The following DHX34 variants were observed in gnomAD, a reference collection of about 807,000 sequenced individuals.
DHX34 encodes the protein DExH-box helicase 34, also known as probable ATP-dependent RNA helicase DHX34.
In DHX34, 96 loss-of-function variants were observed where a neutral mutation model predicts 111.1. The ratio of observed to expected loss-of-function variants is 0.86; its 90% confidence interval spans 0.73 to 1.02. The LOEUF (loss-of-function observed/expected upper bound fraction) is 1.02, where lower values mean the gene tolerates loss of function less well. DHX34 is among the 50% of genes least tolerant of loss of function. The pLI is 0.00. For missense variants in DHX34, 1,560 were observed against 1,579.9 expected, an observed-to-expected ratio of 0.99 and a Z score of 0.21; for synonymous variants, 688 against 670.4, an observed-to-expected ratio of 1.03 and a Z score of -0.41.
intron 3 of DHX34, 51 bp downstream of exon 3, chr19:47,355,401 G>A (rs1969429078): frequency 3.8e-6 from 6 of 1,583,116 alleles, no homozygotes; most frequent in Non-Finnish European, 5.2e-6. Flanking sequence ...CCTGGTCTCT[G>A]TCCAAACCTG....
rs778434752 is a variant in DHX34 at position 47,357,980 on chromosome 19, C to T, written c.1132C>T (p.Arg378Trp). Residue 378 changes from arginine to tryptophan, a missense_variant, in exon 4 of 17, where the codon CGG becomes TGG. Physicochemically the swap from Arg to Trp is moderately radical, Grantham distance 101. Transcript: ENST00000328771. ...SIDHKYPPEE[R>W]GDLLVFLSGM... Reference sequence around the variant, plus strand: ...TGACCACAAGTACCCGCCTGAGGAGCGGGGTGACCTCCTCGTCTTCCTCAG... The same window carrying T: ...TGACCACAAGTACCCGCCTGAGGAGTGGGGTGACCTCCTCGTCTTCCTCAG... The T allele has an allele frequency of 1.8e-5, 29 of 1,613,844 alleles. No homozygotes were observed. The highest frequency in any genetic ancestry group is 9.9e-5 in the South Asian group (9 of 91,090).
chr19:47,377,688 C>T (rs773912514), intron 13 of DHX34, among the ~76,000 whole-genome samples: 7 of 151,434 alleles, frequency 4.6e-5, no homozygotes, highest in Non-Finnish European at 1.0e-4. Flanking sequence ...ATGTGCCTGG[C>T]GTGCAGTCAG....
rs778930506 is a variant in DHX34, at chr19:47,375,597, G to A, written c.2196G>A (p.Ala732=). Residue 732 remains alanine, a synonymous_variant, in exon 10 of 17, where the codon GCG becomes GCA. Coordinates refer to ENST00000328771, the MANE Select transcript of DHX34 (RefSeq NM_014681.6). ...TGAAACGCCAGCACGAGGAGGGCGCGGGGCGCAGGCGCAAGGTGCTGCGGC... is the reference window on the plus strand; with the variant it reads ...TGAAACGCCAGCACGAGGAGGGCGCAGGGCGCAGGCGCAAGGTGCTGCGGC... ...HQLKRQHEEG[A]GRRRKVLRLQ... The A allele has an allele frequency of 4.5e-5, 69 of 1,546,994 alleles. No individual in the cohort carries two copies. Among genetic ancestry groups the A allele is most frequent in the Non-Finnish European group, 5.2e-5 (60 of 1,149,544 alleles).
intron 11 of DHX34, 61 bp downstream of exon 11, chr19:47,376,158 G>C: frequency 6.6e-7 from 1 of 1,517,078 alleles, no homozygotes; most frequent in Admixed American, 2.2e-5. Context: ...CTGAGTGCCT[G>C]TCCTGTGCCG....
At chr19:47,352,463 C>G (rs1301010036) in intron 1 of DHX34, among the ~76,000 whole-genome samples, 1 of 152,084 alleles carries the variant, frequency 6.6e-6, no homozygotes, top group South Asian at 2.1e-4. Context: ...ATTGCTTGAG[C>G]CCAGAAGTTT....
chr19:47,374,953 C>T (rs1970087226), intron 9 of DHX34, among the ~76,000 whole-genome samples: 3 of 152,208 alleles, frequency 2.0e-5, no homozygotes, highest in Middle Eastern at 3.4e-3. Context: ...GATGTGGGCA[C>T]GGGGAGGGCA....
rs1969837975 is a variant in DHX34 at position 47,367,825 on chromosome 19, T to TTGCAGTGA, written c.1768+679_1768+686dup. ...ATCGCTTGAACCTGGGAGGTAGAGG[T>TTGCAGTGA]TGCAGTGATGCAGTGAGCCGAGACC... is the stretch of plus-strand genomic sequence containing the variant. On this transcript the variant is annotated intron_variant, in intron 7 of 16. Transcript: ENST00000328771. Among the ~76,000 whole-genome samples, 4 of 149,004 alleles carry TTGCAGTGA rather than the reference T, an allele frequency of 2.7e-5. No homozygotes were observed. In the South Asian group the frequency reaches 8.4e-4, roughly 31 times the overall value.
At chr19:47,373,557 C>A (rs1432978605) in intron 8 of DHX34, 42 bp from the exon 9 acceptor site, 14 of 1,599,068 alleles carry the variant, frequency 8.8e-6, no homozygotes, top group Non-Finnish European at 1.0e-5. Flanking sequence ...CCTCCCCGCA[C>A]TGGCCAGGCC....
In DHX34 at chr19:47,364,950, C is replaced by T. The variant is rs546720634; in HGVS notation, c.1594-2031C>T. ...CGTCACCTCCTCCTCCTTTACCATC[C>T]GGAGGCAGAAGCAAGGAACTGCCCT... On this transcript the variant is annotated intron_variant, in intron 6 of 16. Coordinates refer to ENST00000328771, the MANE Select transcript of DHX34 (RefSeq NM_014681.6). Among the ~76,000 whole-genome samples, 17 of 152,170 alleles carry T rather than the reference C, an allele frequency of 1.1e-4. No homozygotes were observed. The South Asian group carries it at 3.3e-3, about 30-fold the overall frequency.
In DHX34 at chr19:47,353,568, G is replaced by A; in HGVS notation, c.538G>A (p.Val180Met). The A allele has an allele frequency of 6.2e-6, 10 of 1,613,248 alleles. No individual in the cohort carries two copies. Among genetic ancestry groups the A allele is most frequent in the Non-Finnish European group, 7.6e-6 (9 of 1,180,034 alleles). The change falls in exon 2 of 17, where the codon GTG becomes ATG. Residue 180 changes from valine (V) to methionine (M), a missense_variant. Physicochemically the swap from Val to Met is conservative, Grantham distance 21. Transcript: ENST00000328771. This position sits in a 1 kb window ranked among gnomAD's most constrained non-coding sequence, Gnocchi z 4.6. ...CCTGCAGACGCTGAAGGAGCACCAG[G>A]TGGTGGTAGTGGCCGGTGACACCGG... ...RILQTLKEHQ[V>M]VVVAGDTGCG... is the part of the protein sequence containing the mutation.
At chr19:47,358,208 CAG>C in intron 4 of DHX34, 88 bp downstream of exon 4, 1 of 1,510,366 alleles carries the variant, frequency 6.6e-7, no homozygotes, top group Non-Finnish European at 8.9e-7. Flanking sequence ...TCCACAAACA[CAG>C]GGCTCGGGGG....
At chr19:47,355,010 C>A (rs1349346913) in intron 2 of DHX34, 29 bp from the exon 3 acceptor site, 1 of 1,608,796 alleles carries the variant, frequency 6.2e-7, no homozygotes, top group Admixed American at 1.7e-5. Flanking sequence ...TCAGGGTCCT[C>A]TCCTGATCCT....
At chr19:47,352,310 G>A (rs1481355906) in intron 1 of DHX34, among the ~76,000 whole-genome samples, 1 of 152,222 alleles carries the variant, frequency 6.6e-6, no homozygotes, top group Admixed American at 6.5e-5. Flanking sequence ...GGCCGTCTGT[G>A]AGGACTCTGG....
intron 13 of DHX34, 163 bp from the exon 14 acceptor site, chr19:47,379,547 A>G: frequency 1.0e-6 from 1 of 979,716 alleles, no homozygotes; most frequent in Non-Finnish European, 1.2e-6. Context: ...CCGTATCCCC[A>G]GCACCCGAAG....
At chr19:47,376,719 T>C in intron 12 of DHX34, 159 bp downstream of exon 12, 5 of 1,419,988 alleles carry the variant, frequency 3.5e-6, no homozygotes, top group Non-Finnish European at 4.7e-6. Context: ...CCTCCCTGGG[T>C]AGCCTTGGGT....
Position 47,379,816 on chromosome 19 carries a change from G to T in DHX34, c.2813G>T (p.Arg938Leu). Residue 938 changes from arginine (R) to leucine (L), a missense_variant, in exon 14 of 17, where the codon CGA (arginine) becomes CTA (leucine). Transcript: ENST00000328771. Reference protein sequence around the residue: ...LQLADSESAIRLLAASLRLRA... With the variant: ...LQLADSESAILLLAASLRLRA... ...CTAGCAGACAGTGAAAGTGCCATCCGACTCCTGGCGGCTTCCCTGCGGCTC... is the reference window on the plus strand; with the variant it reads ...CTAGCAGACAGTGAAAGTGCCATCCTACTCCTGGCGGCTTCCCTGCGGCTC... 5.6e-6 allele frequency: 9 copies of T among 1,613,788 alleles called. No individual in the cohort carries two copies. The highest frequency in any genetic ancestry group is 7.6e-6 in the Non-Finnish European group (9 of 1,179,832).
intron 15 of DHX34, 70 bp from the exon 16 acceptor site, chr19:47,381,116 T>G: frequency 6.3e-7 from 1 of 1,596,964 alleles, no homozygotes; most frequent in Non-Finnish European, 8.6e-7. Context: ...CTGGGAAGGG[T>G]CCCGGGGGGG....
At position 47,375,505 on chromosome 19, in the gene DHX34, G is replaced by A. The variant is rs751328851; in HGVS notation, c.2104G>A (p.Ala702Thr). The A allele has an allele frequency of 3.2e-6, 5 of 1,574,392 alleles. No individual in the cohort carries two copies. Among genetic ancestry groups the A allele is most frequent in the South Asian group, 2.3e-5 (2 of 87,202 alleles). ...EDHGLLAGAQ[A>T]AQVGDSYSRL... is the part of the protein sequence containing the mutation. ...CCACGGGCTGCTGGCTGGGGCCCAGGCCGCGCAGGTAGGGGACAGCTACAG... is the reference window on the plus strand; with the variant it reads ...CCACGGGCTGCTGGCTGGGGCCCAGACCGCGCAGGTAGGGGACAGCTACAG... Residue 702 changes from alanine to threonine, a missense_variant, in exon 10 of 17, where the codon GCC (alanine) becomes ACC (threonine). By Grantham distance (58) the Ala-to-Thr change is moderately conservative (BLOSUM62 0). Transcript: ENST00000328771.
At chr19:47,363,929 G>A (rs776747012) in intron 6 of DHX34, among the ~76,000 whole-genome samples, 3 of 152,068 alleles carry the variant, frequency 2.0e-5, no homozygotes, top group African/African-American at 4.8e-5. Context: ...TTAAAACCAG[G>A]GTTTCTCAAT....
Sources: gnomAD v4.1 joint callset for allele counts (sites outside exome capture counted in the v4.1 genomes callset) on GRCh38, gnomAD v4.1.1 for gene constraint, Gnocchi (gnomAD v3.1) non-coding constraint, MANE v1.5 for transcripts, NCBI Gene and HGNC (gene_info 2026-07-23, HGNC 2026-07-21) for gene names.